Variants in DNAH3 observed in about 807,000 individuals in gnomAD.
The protein encoded by DNAH3 is dynein axonemal heavy chain 3.
Under a neutral mutation model 432.5 loss-of-function variants are expected in DNAH3, and 332 were observed. The ratio of observed to expected loss-of-function variants is 0.77; its 90% CI spans 0.70 to 0.84. The LOEUF is 0.84. Among genes scored for constraint, DNAH3 ranks in the 40% least tolerant of loss-of-function variants. The probability of loss-of-function intolerance (pLI) is 0.00; values close to 1 mark genes in which losing one functional copy is unlikely to be tolerated. For synonymous variants in DNAH3, 1,956 were observed against 1,900.2 expected, an observed-to-expected ratio of 1.03 and a Z score of -0.76; for missense variants, 4,861 against 5,114.0, an observed-to-expected ratio of 0.95 and a Z score of 1.51.
At chr16:21,062,396 G>T in intron 25 of DNAH3, 86 bp downstream of exon 25, 1 of 1,090,528 alleles carries the variant, frequency 9.2e-7, no homozygotes, top group Non-Finnish European at 1.4e-6. Flanking sequence ...CAGGCAGTCT[G>T]GTGCTTAGTC....
At chr16:20,975,813 T>C (rs1379894522) in intron 50 of DNAH3, among the ~76,000 whole-genome samples, 2 of 151,980 alleles carry the variant, frequency 1.3e-5, no homozygotes, top group Non-Finnish European at 2.9e-5. Flanking sequence ...GGCATGATCT[T>C]GGCTCACTGC....
intron 44 of DNAH3, among the ~76,000 whole-genome samples, chr16:20,989,982 G>A (rs527819333): frequency 6.6e-6 from 1 of 152,210 alleles, no homozygotes; most frequent in Admixed American, 6.5e-5. Context: ...CAGCTGGCCT[G>A]CAAGCGCCGC....
At chr16:21,137,582 C>A (rs1201119419) in intron 5 of DNAH3, among the ~76,000 whole-genome samples, 1 of 151,980 alleles carries the variant, frequency 6.6e-6, no homozygotes, top group African/African-American at 2.4e-5. Flanking sequence ...ACCACCACAG[C>A]CAGCTAATTT....
intron 1 of DNAH3, among the ~76,000 whole-genome samples, chr16:21,151,988 A>G (rs558865439): frequency 6.6e-6 from 1 of 152,108 alleles, no homozygotes; most frequent in African/African-American, 2.4e-5. Flanking sequence ...TAATCCCAGC[A>G]CTCTGAAAGG....
chr16:21,137,705 G>T (rs1445655115), intron 5 of DNAH3, among the ~76,000 whole-genome samples: 3 of 152,056 alleles, frequency 2.0e-5, no homozygotes, highest in Non-Finnish European at 4.4e-5. Context: ...TTATAGGCAT[G>T]AGCCACCACA....
chr16:21,014,412 A>T (rs1055714939), intron 41 of DNAH3, among the ~76,000 whole-genome samples: 1 of 152,214 alleles, frequency 6.6e-6, no homozygotes, highest in African/African-American at 2.4e-5. Flanking sequence ...ACATCCACTC[A>T]TGACAAAGAC....
At chr16:21,034,235 A>G in intron 35 of DNAH3, 150 bp from the exon 36 acceptor site, 1 of 583,268 alleles carries the variant, frequency 1.7e-6, no homozygotes, top group Non-Finnish European at 3.1e-6. Context: ...TTCATGGTCT[A>G]TTGTTTACAT....
chr16:20,987,858 G>A lies in DNAH3; in HGVS notation c.6726-9C>T, dbSNP rs1173082900. On this transcript the variant is annotated splice_polypyrimidine_tract_variant and intron_variant, in intron 45 of 61. Coordinates refer to ENST00000261383, the Ensembl canonical transcript of DNAH3. ...CCAGCATCTTTCCGTACCTTGGGAG[G>A]AAAGGGATGGCACAGTAGTCAAGGA... is the stretch of plus-strand genomic sequence containing the variant. 3.1e-6 allele frequency: 5 copies of A among 1,614,122 alleles called. No individual in the cohort carries two copies. Among genetic ancestry groups the A allele is most frequent in the Non-Finnish European group, 4.2e-6 (5 of 1,180,024 alleles).
intron 47 of DNAH3, among the ~76,000 whole-genome samples, chr16:20,986,959 CTCAG>C (rs2086228225): frequency 6.6e-6 from 1 of 152,158 alleles, no homozygotes. Flanking sequence ...TTTATAGGAC[CTCAG>C]TCAAATCATG....
intron 44 of DNAH3, among the ~76,000 whole-genome samples, chr16:20,988,985 C>T (rs2086382100): frequency 6.6e-6 from 1 of 152,200 alleles, no homozygotes; most frequent in Non-Finnish European, 1.5e-5. Flanking sequence ...AGTGAAGTTG[C>T]AGACTTTCGC....
chr16:21,151,622 C>T (rs2092853821), intron 1 of DNAH3, among the ~76,000 whole-genome samples: 1 of 152,194 alleles, frequency 6.6e-6, no homozygotes, highest in Middle Eastern at 3.4e-3. Flanking sequence ...AACACTAAGT[C>T]CTGCATCCTG....
intron 1 of DNAH3, among the ~76,000 whole-genome samples, chr16:21,146,543 T>C (rs900319507): frequency 2.0e-5 from 3 of 152,164 alleles, no homozygotes; most frequent in Non-Finnish European, 4.4e-5. Flanking sequence ...GTATATACAT[T>C]ATAGAGTGAC....
At chr16:21,039,214 C>CTTTTTTTTTTTT (rs200708542) in intron 33 of DNAH3, among the ~76,000 whole-genome samples, 1 of 126,016 alleles carries the variant, frequency 7.9e-6, no homozygotes, top group African/African-American at 3.1e-5. Context: ...TATAGTGTTG[C>CTTTTTTTTTTTT]TTTTTTTTTT....
At chr16:21,038,575 T>G (rs1260934534) in intron 33 of DNAH3, among the ~76,000 whole-genome samples, 1 of 152,178 alleles carries the variant, frequency 6.6e-6, no homozygotes, top group African/African-American at 2.4e-5. Context: ...AAAATAAACT[T>G]TGTTATGGTA....
Position 20,964,218 on chromosome 16 carries a change from G to C in DNAH3, c.9666C>G (p.Asn3222Lys), listed in dbSNP as rs770265073. The C allele has an allele frequency of 1.1e-5, 18 of 1,613,964 alleles. No individual in the cohort carries two copies. In the East Asian group the frequency reaches 3.1e-4, roughly 28 times the overall value. Reference sequence around the variant, plus strand: ...TCTTGGCACTTTCCACAATCAACTGGTTCTTTTTCTCTTCCAGCTCTGGCT... The same window carrying C: ...TCTTGGCACTTTCCACAATCAACTGCTTCTTTTTCTCTTCCAGCTCTGGCT... Residue 3222 changes from asparagine (N) to lysine (K), a missense_variant, in exon 53 of 62, where the codon AAC becomes AAG. Physicochemically the swap from Asn to Lys is moderately conservative, Grantham distance 94. Coordinates refer to ENST00000261383, the Ensembl canonical transcript of DNAH3.
chr16:21,020,168 T>C (rs1366594922), intron 40 of DNAH3, among the ~76,000 whole-genome samples: 2 of 150,454 alleles, frequency 1.3e-5, no homozygotes, highest in African/African-American at 4.9e-5. Context: ...CCACAGGCAC[T>C]AGCCACCACA....
chr16:21,105,764 G>C (rs949447346), intron 15 of DNAH3, among the ~76,000 whole-genome samples: 1 of 151,446 alleles, frequency 6.6e-6, no homozygotes, highest in African/African-American at 2.4e-5. Flanking sequence ...ACTCTGTCTC[G>C]ACAAAAAAAA....
At chr16:20,985,531 A>G (rs758047477) in exon 48 of DNAH3, 5 of 1,614,038 alleles carry the variant, frequency 3.1e-6, no homozygotes, top group East Asian at 2.2e-5. Context: ...GACCAGGGAC[A>G]TGGGGGCCTT....
chr16:20,969,736 A>G, intron 52 of DNAH3, 56 bp downstream of exon 52: 1 of 1,582,568 alleles, frequency 6.3e-7, no homozygotes, highest in South Asian at 1.1e-5. Context: ...GGGTGCTGGC[A>G]CCCCACTGCC....
Sources: allele counts gnomAD v4.1 joint callset (sites outside exome capture counted in the v4.1 genomes callset), GRCh38; gene constraint gnomAD v4.1.1; transcripts MANE v1.5; gene names NCBI Gene and HGNC (gene_info 2026-07-23, HGNC 2026-07-21).